Variants in DIAPH2 observed in about 807,000 individuals in gnomAD.
DIAPH2 encodes protein diaphanous homolog 2.
A neutral mutation model predicts 92.7 loss-of-function variants in DIAPH2; 35 were observed. The ratio of observed to expected loss-of-function variants is 0.38; its 90% confidence interval spans 0.29 to 0.50. DIAPH2 has a LOEUF of 0.50. DIAPH2 is among the 20% of genes least tolerant of loss of function. DIAPH2 has a pLI of 0.94. For missense variants in DIAPH2, 701 were observed against 819.5 expected, an observed-to-expected ratio of 0.86 and a Z score of 1.77; for synonymous variants, 301 against 280.4, an observed-to-expected ratio of 1.07 and a Z score of -0.73.
chrX:97,298,819 C>T (rs959776643), intron 23 of DIAPH2, among the ~76,000 whole-genome samples: 3 of 110,019 alleles, frequency 2.7e-5, no homozygotes, highest in Non-Finnish European at 3.8e-5. Flanking sequence ...GGGGTTTCAC[C>T]GTGTCAGCCT....
intron 23 of DIAPH2, among the ~76,000 whole-genome samples, chrX:97,300,494 G>A (rs2068683745): frequency 9.2e-6 from 1 of 109,157 alleles, no homozygotes; most frequent in African/African-American, 3.3e-5. Context: ...ACTATTTGTA[G>A]TTATATATAG....
At chrX:97,579,489 G>A (rs780993252) in intron 26 of DIAPH2, among the ~76,000 whole-genome samples, 57 of 109,691 alleles carry the variant, frequency 5.2e-4, no homozygotes, top group African/African-American at 1.6e-3. Context: ...GATAGGCGGC[G>A]TTATTTCTGA....
chrX:96,954,356 A>G (rs2065796187), intron 15 of DIAPH2, among the ~76,000 whole-genome samples: 2 of 112,497 alleles, frequency 1.8e-5, no homozygotes, highest in Admixed American at 9.4e-5. Flanking sequence ...AGCCATTGTG[A>G]TCAGTACTGG....
chrX:97,340,099 G>A lies in DIAPH2; in HGVS notation c.2845-8017G>A, dbSNP rs190418887. ...TCCCCAGAGTGTCCTGTTCTTTGAA[G>A]CTTTTGTAGTTGTTGTCACTCTCTC... On this transcript the variant is annotated intron_variant, in intron 23 of 26. Coordinates refer to ENST00000324765, the MANE Select transcript of DIAPH2 (RefSeq NM_006729.5). Among the ~76,000 whole-genome samples the A allele has an allele frequency of 3.0e-4, 33 of 111,592 alleles. 1 individual carries two copies. The highest frequency in any genetic ancestry group is 9.4e-4 in the African/African-American group (29 of 30,760).
intron 25 of DIAPH2, among the ~76,000 whole-genome samples, chrX:97,413,021 T>C (rs1296484571): frequency 2.7e-5 from 3 of 109,594 alleles, no homozygotes; most frequent in South Asian, 3.9e-4. Flanking sequence ...TTCCAATCAA[T>C]AGAAAAAGAG....
At chrX:97,477,105 G>A (rs1216767251) in intron 26 of DIAPH2, among the ~76,000 whole-genome samples, 2 of 106,019 alleles carry the variant, frequency 1.9e-5, no homozygotes, top group Admixed American at 1.0e-4. Context: ...CATGGTGGGC[G>A]GATCACCTGA....
At chrX:97,419,092 GA>G (rs935793461) in intron 25 of DIAPH2, among the ~76,000 whole-genome samples, 2 of 110,664 alleles carry the variant, frequency 1.8e-5, no homozygotes, top group Non-Finnish European at 3.8e-5. Flanking sequence ...TACCTAGCAT[GA>G]TTTTTTTTTT....
intron 21 of DIAPH2, among the ~76,000 whole-genome samples, chrX:97,120,438 C>T (rs1458987515): frequency 1.8e-5 from 2 of 109,800 alleles, no homozygotes; most frequent in Non-Finnish European, 3.8e-5. Context: ...TGTGGGTCCT[C>T]TCGGGATTCC....
intron 23 of DIAPH2, among the ~76,000 whole-genome samples, chrX:97,258,939 C>T (rs2068267013): frequency 9.3e-6 from 1 of 107,590 alleles, no homozygotes; most frequent in African/African-American, 3.4e-5. Context: ...AAGAAATGAT[C>T]TTCCTTCCAC....
intron 21 of DIAPH2, among the ~76,000 whole-genome samples, chrX:97,139,094 A>G (rs2067192403): frequency 9.0e-6 from 1 of 110,905 alleles, no homozygotes; most frequent in Non-Finnish European, 1.9e-5. Context: ...AGAGATGTGT[A>G]TATCCAACTA....
At chrX:97,011,736 A>C (rs181423646) in intron 17 of DIAPH2, among the ~76,000 whole-genome samples, 2 of 108,117 alleles carry the variant, frequency 1.8e-5, no homozygotes, top group Non-Finnish European at 3.8e-5. Flanking sequence ...ACTAAACACA[A>C]AAAAAATTAG....
chrX:96,902,297 A>T (rs1032367652), intron 5 of DIAPH2, among the ~76,000 whole-genome samples: 1 of 111,908 alleles, frequency 8.9e-6, no homozygotes, highest in South Asian at 3.8e-4. Context: ...TCTGTTAAGT[A>T]CATTTGTTCT....
intron 24 of DIAPH2, among the ~76,000 whole-genome samples, chrX:97,368,487 AT>A (rs972932921): frequency 1.5e-4 from 17 of 111,428 alleles, no homozygotes; most frequent in South Asian, 1.1e-3. Context: ...AAGAAAAGGA[AT>A]TTTTTTTTAA....
chrX:96,700,169 C>T (rs949620390), intron 1 of DIAPH2, among the ~76,000 whole-genome samples: 13 of 111,618 alleles, frequency 1.2e-4, no homozygotes, highest in African/African-American at 4.2e-4. Context: ...CCATCATGCT[C>T]AGCTAATTTT....
chrX:97,584,267 A>T (rs1293395801), intron 26 of DIAPH2, among the ~76,000 whole-genome samples: 2 of 112,155 alleles, frequency 1.8e-5, no homozygotes, highest in Non-Finnish European at 3.8e-5. Context: ...AGTCTACCCA[A>T]TGCATTGTTT....
rs765899834 is a variant in DIAPH2, at chrX:97,465,273, CCA to C, written c.3241+35548_3241+35549del. ...TATCCTGTCTTGCTTTAGAATTCAC[CCA>C]CACACACACACACACACACGTTTAT... On this transcript the variant is annotated intron_variant, in intron 26 of 26. Transcript: ENST00000324765. Among the ~76,000 whole-genome samples, 25 of 106,558 alleles carry C rather than the reference CCA, an allele frequency of 2.3e-4. No individual in the cohort carries two copies. The East Asian group carries it at 2.6e-3, about 11-fold the overall frequency. 92.5% of individuals were successfully genotyped at this position (106,558 alleles called of 115,157 possible).
chrX:97,441,838 T>G (rs1300858415), intron 26 of DIAPH2, among the ~76,000 whole-genome samples: 2 of 112,835 alleles, frequency 1.8e-5, no homozygotes, highest in Non-Finnish European at 3.7e-5. Context: ...TAAAATAAAA[T>G]AAAATTTACT....
chrX:97,445,427 CTTTTTT>C (rs1217378251), intron 26 of DIAPH2, among the ~76,000 whole-genome samples: 4 of 108,315 alleles, frequency 3.7e-5, no homozygotes, highest in Admixed American at 2.0e-4. Flanking sequence ...TTTTCTTTTT[CTTTTTT>C]GAGAAGGAGT....
chrX:96,978,210 A>G (rs1394873346), intron 17 of DIAPH2, among the ~76,000 whole-genome samples: 2 of 111,773 alleles, frequency 1.8e-5, no homozygotes, highest in African/African-American at 6.5e-5. Flanking sequence ...GCTTTTCTGA[A>G]GCATTCTATA....
Sources: gnomAD v4.1 joint callset for allele counts (sites outside exome capture counted in the v4.1 genomes callset) on GRCh38, gnomAD v4.1.1 for gene constraint, MANE v1.5 for transcripts, NCBI Gene and HGNC (gene_info 2026-07-23, HGNC 2026-07-21) for gene names.